The following IPO5 variants were observed in gnomAD, a reference collection of about 807,000 sequenced individuals.
IPO5 encodes importin-5.
A neutral mutation model predicts 143.3 loss-of-function variants in IPO5; 18 were observed. That is an observed-to-expected ratio of 0.13 (90% CI 0.09 to 0.19). The LOEUF is 0.19. IPO5 is among the 10% of genes least tolerant of loss of function. The probability of loss-of-function intolerance (pLI) is 1.00; values close to 1 mark genes in which losing one functional copy is unlikely to be tolerated. For missense variants in IPO5, 1,013 were observed against 1,336.9 expected (o/e 0.76, Z 3.78); for synonymous variants, 477 against 465.7 (o/e 1.02, Z -0.31).
At chr13:97,970,621 A>C (rs1406435345) in intron 3 of IPO5, among the ~76,000 whole-genome samples, 1 of 151,188 alleles carries the variant, frequency 6.6e-6, no homozygotes, top group African/African-American at 2.4e-5. Flanking sequence ...ACTCCGTCGC[A>C]AAAAAAAAGA....
At chr13:97,971,136 C>T (rs1885795735) in intron 3 of IPO5, among the ~76,000 whole-genome samples, 1 of 152,210 alleles carries the variant, frequency 6.6e-6, no homozygotes. Flanking sequence ...CTCCCAGCCT[C>T]CCTAAAATGA....
chr13:98,019,532 C>T, intron 26 of IPO5, 49 bp from the exon 27 acceptor site: 6 of 1,223,988 alleles, frequency 4.9e-6, no homozygotes, highest in East Asian at 2.3e-5. Context: ...TATTCATTTG[C>T]ATGAAAATGT....
chr13:97,965,413 A>T (rs1359009845), intron 2 of IPO5, among the ~76,000 whole-genome samples: 2 of 152,170 alleles, frequency 1.3e-5, no homozygotes, highest in East Asian at 1.9e-4. Flanking sequence ...TTTAATTGGG[A>T]TTACCTTGAA....
chr13:97,999,715 G>T (rs563244007), intron 12 of IPO5, among the ~76,000 whole-genome samples: 46 of 152,308 alleles, frequency 3.0e-4, no homozygotes, highest in African/African-American at 1.1e-3. Flanking sequence ...TTTCAGAGAA[G>T]ACAATAGAAT....
intron 2 of IPO5, among the ~76,000 whole-genome samples, chr13:97,954,978 A>G (rs1371703234): frequency 6.6e-6 from 1 of 152,192 alleles, no homozygotes; most frequent in Non-Finnish European, 1.5e-5. Context: ...CTATAATCCC[A>G]GCACTTTGGG....
chr13:97,974,511 T>C (rs1358295493), intron 3 of IPO5, among the ~76,000 whole-genome samples: 1 of 151,946 alleles, frequency 6.6e-6, no homozygotes, highest in African/African-American at 2.4e-5. Flanking sequence ...GCTTTCACCA[T>C]GTTGGCCAGG....
chr13:97,968,693 GT>G (rs979996451), intron 2 of IPO5, among the ~76,000 whole-genome samples: 1 of 151,934 alleles, frequency 6.6e-6, no homozygotes, highest in African/African-American at 2.4e-5. Flanking sequence ...ACCTGCTTTT[GT>G]TTTTTTGTCT....
At chr13:97,997,770 GTTA>G in intron 12 of IPO5, 152 bp downstream of exon 12, 1 of 394,102 alleles carries the variant, frequency 2.5e-6, no homozygotes, top group Non-Finnish European at 4.6e-6. Context: ...TGTGTCACAT[GTTA>G]TAAGTAGTAT....
Position 97,976,760 on chromosome 13 carries a change from G to T in IPO5, c.64G>T (p.Asp22Tyr). 7.1e-7 allele frequency: 1 copy of T among 1,412,190 alleles called. No individual in the cohort carries two copies. The highest frequency in any genetic ancestry group is 9.5e-7 in the Non-Finnish European group (1 of 1,058,124). The allele number at this position is 1,412,190 out of a possible 1,614,324, so 87.5% of individuals were successfully genotyped here. Residue 22 changes from aspartate (D) to tyrosine (Y), a missense_variant, in exon 4 of 29, where the codon GAC (aspartate) becomes TAC (tyrosine). This residue lies in a region of IPO5 where 328 missense variants were observed against 342.0 expected (regional missense o/e 0.96). Transcript: ENST00000651721. ...YLLLGNLLSP[D>Y]NVVRKQAEET... ...GCTCCTGGGAAACCTGCTCAGCCCC[G>T]ACAATGTGGTCCGGAAACAGGCAGA... is the stretch of plus-strand genomic sequence containing the variant.
rs754925119 is a variant in IPO5 at position 98,018,661 on chromosome 13, C to G, written c.2793C>G (p.Val931=). 1 of 1,614,192 alleles carries G rather than the reference C, an allele frequency of 6.2e-7. No homozygotes were observed. Among genetic ancestry groups the G allele is most frequent in the Non-Finnish European group, 8.5e-7 (1 of 1,180,032 alleles). The part of the protein sequence containing the change: ...VRQAAAYGLG[V]MAQYGGDNYR... ...AAGCAGCTGCATATGGCCTGGGAGT[C>G]ATGGCACAGTACGGTGGAGATAATT... is the stretch of plus-strand genomic sequence containing the variant. Residue 931 remains valine, a synonymous_variant, in exon 26 of 29, where the codon GTC becomes GTG. Coordinates refer to ENST00000651721, the MANE Select transcript of IPO5 (RefSeq NM_002271.6).
intron 13 of IPO5, 161 bp downstream of exon 13, chr13:98,000,806 A>G (rs1293256560): frequency 5.1e-6 from 3 of 588,874 alleles, no homozygotes; most frequent in Admixed American, 2.9e-5. Flanking sequence ...AATCCCAAAG[A>G]AAATGTACAG....
intron 4 of IPO5, among the ~76,000 whole-genome samples, chr13:97,980,489 G>GGGA (rs1886748645): frequency 6.6e-6 from 1 of 152,188 alleles, no homozygotes; most frequent in Non-Finnish European, 1.5e-5. Flanking sequence ...GGCAAGAGTA[G>GGGA]GGAGCCTCAG....
In IPO5 at chr13:98,015,748, T is replaced by C. The variant is rs759494824; in HGVS notation, c.2460T>C (p.Tyr820=). 1 of 1,611,776 alleles carries C rather than the reference T, an allele frequency of 6.2e-7. No individual in the cohort carries two copies. The highest frequency in any genetic ancestry group is 1.1e-5 in the South Asian group (1 of 90,800). ...TAGTTAAAAGACAAGATGAAGACTA[T>C]GATGAACAGGTCGAAGAGTCACTAC... ...LRQVKRQDED[Y]DEQVEESLQD... Residue 820 remains tyrosine (Y), a synonymous_variant, in exon 24 of 29, where the codon TAT becomes TAC. Transcript: ENST00000651721.
intron 3 of IPO5, among the ~76,000 whole-genome samples, chr13:97,972,515 A>G (rs1253902615): frequency 6.6e-6 from 1 of 152,192 alleles, no homozygotes; most frequent in Non-Finnish European, 1.5e-5. Context: ...GTTGAGAGAG[A>G]CTTTGTTTTC....
chr13:97,958,049 A>T (rs574249683), intron 2 of IPO5, among the ~76,000 whole-genome samples: 2 of 152,306 alleles, frequency 1.3e-5, no homozygotes, highest in African/African-American at 4.8e-5. Context: ...AGAGAATTAC[A>T]ACTTAAAGTG....
At chr13:97,999,072 G>C (rs931258955) in intron 12 of IPO5, among the ~76,000 whole-genome samples, 4 of 152,162 alleles carry the variant, frequency 2.6e-5, no homozygotes, top group Non-Finnish European at 2.9e-5. Flanking sequence ...GAACCTGGGA[G>C]GTGGAGGTTG....
intron 20 of IPO5, among the ~76,000 whole-genome samples, chr13:98,010,646 AAAC>A (rs1195144362): frequency 6.6e-6 from 1 of 152,162 alleles, no homozygotes; most frequent in Non-Finnish European, 1.5e-5. Context: ...TTGTGTAAAA[AAAC>A]AGATATGGCA....
In IPO5 at chr13:98,023,910, A is replaced by T. The variant is rs751448313; in HGVS notation, c.*2088A>T. The stretch of plus-strand genomic sequence containing the variant: ...CATGAACTAACAATTCTTTGAAAGG[A>T]CCTGCAGAAGCATTTTTAATACCTC... On this transcript the variant is annotated 3_prime_UTR_variant, in exon 29 of 29. Coordinates refer to ENST00000651721, the MANE Select transcript of IPO5 (RefSeq NM_002271.6). 2.6e-5 allele frequency: 4 copies of T among 152,238 alleles called. No homozygotes were observed. Among genetic ancestry groups the T allele is most frequent in the Admixed American group, 6.5e-5 (1 of 15,290 alleles). 9.4% of individuals were successfully genotyped at this position (152,238 alleles called of 1,614,324 possible). A position where few individuals can be genotyped will look rare whatever the true frequency, so the allele number is the denominator to read the frequency against.
chr13:98,013,031 A>G (rs1360524317), intron 21 of IPO5, among the ~76,000 whole-genome samples: 2 of 151,716 alleles, frequency 1.3e-5, no homozygotes, highest in African/African-American at 2.4e-5. Flanking sequence ...TGTGGATAGC[A>G]CCTTTGCGGG....
Sources: gnomAD v4.1 joint callset for allele counts (sites outside exome capture counted in the v4.1 genomes callset) on GRCh38, gnomAD v4.1.1 for gene constraint, gnomAD v4.1.1 regional missense constraint, MANE v1.5 for transcripts, NCBI Gene and HGNC (gene_info 2026-07-23, HGNC 2026-07-21) for gene names.